The following CREB5 variants were observed in gnomAD, a reference collection of about 807,000 sequenced individuals.
The protein encoded by CREB5 is cAMP responsive element binding protein 5.
In CREB5, 19 loss-of-function variants were observed where a neutral mutation model predicts 57.1. That is an observed-to-expected ratio of 0.33 (90% CI 0.23 to 0.49). The LOEUF is 0.49. CREB5 is among the 20% of genes least tolerant of loss of function. The pLI, the probability that CREB5 is intolerant of heterozygous loss-of-function variation, is 0.99. For synonymous variants in CREB5, 238 were observed against 238.3 expected, an observed-to-expected ratio of 1.00 and a Z score of 0.01; for missense variants, 579 against 671.6, an observed-to-expected ratio of 0.86 and a Z score of 1.52.
At chr7:28,372,674 A>G (rs998387556) in intron 1 of CREB5, among the ~76,000 whole-genome samples, 3 of 152,178 alleles carry the variant, frequency 2.0e-5, no homozygotes, top group Non-Finnish European at 4.4e-5. Flanking sequence ...AATCATTTTA[A>G]TTGCCTAGTA....
intron 7 of CREB5, among the ~76,000 whole-genome samples, chr7:28,798,074 TCTTA>T (rs893091260): frequency 6.6e-6 from 1 of 152,196 alleles, no homozygotes; most frequent in Non-Finnish European, 1.5e-5. Flanking sequence ...GTAGAGAGCC[TCTTA>T]CTTCTGTGGT....
At chr7:28,400,493 T>C (rs548946564) in intron 1 of CREB5, among the ~76,000 whole-genome samples, 8 of 152,298 alleles carry the variant, frequency 5.3e-5, no homozygotes, top group African/African-American at 1.7e-4. Context: ...AATGTCCCAG[T>C]GTACTGTTTA....
At chr7:28,452,179 A>T (rs1483763837) in intron 1 of CREB5, among the ~76,000 whole-genome samples, 1 of 152,164 alleles carries the variant, frequency 6.6e-6, no homozygotes, top group African/African-American at 2.4e-5. Flanking sequence ...TCTCCATATC[A>T]TGCCTTCATT....
chr7:28,392,435 T>C (rs980825104), intron 1 of CREB5, among the ~76,000 whole-genome samples: 7 of 152,192 alleles, frequency 4.6e-5, no homozygotes, highest in African/African-American at 1.7e-4. Flanking sequence ...TAGCTTGGTG[T>C]AAAAATAATT....
chr7:28,668,611 C>A (rs956737839), intron 5 of CREB5, among the ~76,000 whole-genome samples: 2 of 152,074 alleles, frequency 1.3e-5, no homozygotes, highest in African/African-American at 4.8e-5. Context: ...TGTACAAAAA[C>A]CAAAACAAAA....
chr7:28,808,569 T>TG (rs1466406148), intron 8 of CREB5, among the ~76,000 whole-genome samples: 1 of 152,146 alleles, frequency 6.6e-6, no homozygotes, highest in Non-Finnish European at 1.5e-5. Context: ...GACAAGGTCT[T>TG]GCTCTGTTGC....
chr7:28,402,568 TG>T (rs1233085968), intron 1 of CREB5, among the ~76,000 whole-genome samples: 1 of 152,138 alleles, frequency 6.6e-6, no homozygotes, highest in African/African-American at 2.4e-5. Context: ...AAACAAGCAA[TG>T]GGGAAAGGAT....
chr7:28,440,888 G>T (rs1220874943), intron 1 of CREB5, among the ~76,000 whole-genome samples: 1 of 152,178 alleles, frequency 6.6e-6, no homozygotes, highest in Admixed American at 6.5e-5. Flanking sequence ...CAAGGAGATT[G>T]GCCACGGCCA....
chr7:28,761,785 G>A (rs919563246), intron 7 of CREB5, among the ~76,000 whole-genome samples: 2 of 151,832 alleles, frequency 1.3e-5, no homozygotes, highest in African/African-American at 4.8e-5. Flanking sequence ...TGTGTGTGGA[G>A]GGGTCAAAGG....
At chr7:28,647,869 C>A (rs1021169473) in intron 5 of CREB5, among the ~76,000 whole-genome samples, 2 of 151,782 alleles carry the variant, frequency 1.3e-5, no homozygotes, top group Non-Finnish European at 2.9e-5. Flanking sequence ...TCTCTTGAGC[C>A]CGGGAGTTCA....
chr7:28,344,591 G>T (rs1487623317), intron 1 of CREB5, among the ~76,000 whole-genome samples: 1 of 152,144 alleles, frequency 6.6e-6, no homozygotes, highest in Admixed American at 6.5e-5. Context: ...GATACCTCCA[G>T]CTTTCTTCTT....
At chr7:28,656,119 G>A (rs190296983) in intron 5 of CREB5, among the ~76,000 whole-genome samples, 3 of 152,310 alleles carry the variant, frequency 2.0e-5, no homozygotes, top group Admixed American at 2.0e-4. Context: ...ATTCAGCCCA[G>A]CTTTACCCCT....
intron 1 of CREB5, among the ~76,000 whole-genome samples, chr7:28,332,638 T>C (rs1219228972): frequency 6.6e-6 from 1 of 152,194 alleles, no homozygotes; most frequent in Admixed American, 6.5e-5. Flanking sequence ...CTGTGTCTTA[T>C]ATTTTATGTT....
Position 28,616,270 on chromosome 7 carries a change from T to C in CREB5, c.464+45733T>C, listed in dbSNP as rs28569018. 6.9e-3 allele frequency among the ~76,000 whole-genome samples: 1,056 copies of C among 152,284 alleles called. 8 individuals are homozygous for C. The highest frequency in any genetic ancestry group is 0.022 in the African/African-American group (927 of 41,556). On this transcript the variant is annotated intron_variant, in intron 5 of 10. Coordinates refer to ENST00000357727, the MANE Select transcript of CREB5 (RefSeq NM_182898.4). The stretch of plus-strand genomic sequence containing the variant: ...TTCTCTTTGGGCCATTGGCAGTCAC[T>C]GACACGGTCTATATCCATTATTTCT...
intron 5 of CREB5, among the ~76,000 whole-genome samples, chr7:28,620,859 T>C (rs1475558836): frequency 6.6e-6 from 1 of 152,166 alleles, no homozygotes; most frequent in Non-Finnish European, 1.5e-5. Flanking sequence ...CAGTCTGTGA[T>C]CCAGTCGGTA....
chr7:28,685,691 AT>A (rs1296067296), intron 5 of CREB5, among the ~76,000 whole-genome samples: 2,621 of 88,558 alleles, frequency 0.03, 86 homozygotes, highest in African/African-American at 0.1. Flanking sequence ...TTTAACCAGT[AT>A]TTTTTTTTTG....
intron 5 of CREB5, among the ~76,000 whole-genome samples, chr7:28,606,401 C>T (rs1253334749): frequency 6.6e-6 from 1 of 152,266 alleles, no homozygotes; most frequent in East Asian, 1.9e-4. Flanking sequence ...TGAGTTACCC[C>T]CACATCCTCT....
intron 7 of CREB5, among the ~76,000 whole-genome samples, chr7:28,781,838 T>G (rs1181395014): frequency 6.6e-6 from 1 of 152,122 alleles, no homozygotes; most frequent in African/African-American, 2.4e-5. Context: ...GGGTTTGGAC[T>G]GTTCCACAAT....
intron 1 of CREB5, among the ~76,000 whole-genome samples, chr7:28,354,801 A>G (rs1275745326): frequency 6.6e-6 from 1 of 152,114 alleles, no homozygotes; most frequent in Non-Finnish European, 1.5e-5. Flanking sequence ...GGCTTCTGGG[A>G]GAGAGTTTAA....
Sources: allele counts gnomAD v4.1 joint callset (sites outside exome capture counted in the v4.1 genomes callset), GRCh38; gene constraint gnomAD v4.1.1; transcripts MANE v1.5; gene names NCBI Gene and HGNC (gene_info 2026-07-23, HGNC 2026-07-21).